SLCO1B1: variants seen among roughly 807,000 people sequenced by gnomAD.
SLCO1B1 encodes the protein OATP-2.
In SLCO1B1, 81 loss-of-function variants were observed where a neutral mutation model predicts 70.1. The ratio of observed to expected loss-of-function variants is 1.16; its 90% CI spans 0.97 to 1.39. SLCO1B1 has a LOEUF of 1.39. Among genes scored for constraint, SLCO1B1 ranks in the 40% most tolerant of loss-of-function variants. The pLI is 0.00. For missense variants in SLCO1B1, 895 were observed against 799.6 expected (o/e 1.12, Z -1.44); for synonymous variants, 283 against 271.5 (o/e 1.04, Z -0.42).
At chr12:21,226,110 A>G (rs1941479642) in intron 14 of SLCO1B1, among the ~76,000 whole-genome samples, 1 of 152,202 alleles carries the variant, frequency 6.6e-6, no homozygotes, top group Non-Finnish European at 1.5e-5. Context: ...TAAGTGAAAG[A>G]AGGCAGTCTA....
intron 2 of SLCO1B1, among the ~76,000 whole-genome samples, chr12:21,149,994 G>A (rs118003065): frequency 0.038 from 5,761 of 152,142 alleles, 156 homozygotes; most frequent in Non-Finnish European, 0.062. Context: ...AAGTCAACCC[G>A]GGATGCTCGA....
At chr12:21,156,749 T>C (rs1020342796) in intron 2 of SLCO1B1, among the ~76,000 whole-genome samples, 1 of 152,162 alleles carries the variant, frequency 6.6e-6, no homozygotes, top group Non-Finnish European at 1.5e-5. Context: ...AATTTACGCA[T>C]GAGAAAAGTG....
chr12:21,156,846 A>C (rs191878851), intron 2 of SLCO1B1, among the ~76,000 whole-genome samples: 1 of 152,312 alleles, frequency 6.6e-6, no homozygotes, highest in Admixed American at 6.5e-5. Context: ...TTGGTGCTCA[A>C]CTCTCTTCCT....
rs147560923 is a variant in SLCO1B1 at position 21,195,842 on chromosome 12, T to G, written c.728-1104T>G. 2.0e-5 allele frequency among the ~76,000 whole-genome samples: 3 copies of G among 152,304 alleles called. No individual in the cohort carries two copies. The East Asian group carries it at 5.8e-4, about 29-fold the overall frequency. On this transcript the variant is annotated intron_variant, in intron 7 of 14. Transcript: ENST00000256958. ...CCTGTCAACACTTCAAGATAGGTGA[T>G]ATAGAAGACAGTCGCAAGGGTAGTA...
At chr12:21,232,844 A>G (rs1246675663) in intron 14 of SLCO1B1, among the ~76,000 whole-genome samples, 1 of 152,092 alleles carries the variant, frequency 6.6e-6, no homozygotes, top group Non-Finnish European at 1.5e-5. Context: ...CTTTCTCTGC[A>G]GCTTCCAGAA....
chr12:21,161,913 C>A (rs1940624478), intron 2 of SLCO1B1, among the ~76,000 whole-genome samples: 2 of 151,904 alleles, frequency 1.3e-5, no homozygotes, highest in South Asian at 4.1e-4. Flanking sequence ...GAGGCCGAGG[C>A]AGGAAAATCT....
intron 11 of SLCO1B1, among the ~76,000 whole-genome samples, chr12:21,214,372 T>C (rs1207019759): frequency 2.7e-5 from 4 of 150,130 alleles, no homozygotes; most frequent in South Asian, 2.1e-4. Flanking sequence ...GTTAGGCTGC[T>C]CAGGGGTCAG....
chr12:21,235,394 G>A (rs1941587166), intron 14 of SLCO1B1, among the ~76,000 whole-genome samples: 1 of 150,002 alleles, frequency 6.7e-6, no homozygotes, highest in Non-Finnish European at 1.5e-5. Flanking sequence ...CCATTTGAAA[G>A]ATAGATCTTT....
chr12:21,210,927 C>G (rs1290745493), intron 11 of SLCO1B1, among the ~76,000 whole-genome samples: 1 of 152,078 alleles, frequency 6.6e-6, no homozygotes, highest in African/African-American at 2.4e-5. Context: ...TGAGACTTTG[C>G]TGAAGTTGCT....
At chr12:21,175,772 C>CA (rs1389032048) in intron 4 of SLCO1B1, among the ~76,000 whole-genome samples, 1 of 151,976 alleles carries the variant, frequency 6.6e-6, no homozygotes, top group Non-Finnish European at 1.5e-5. Context: ...ACCATACCGT[C>CA]AGAGTCCTCT....
intron 2 of SLCO1B1, among the ~76,000 whole-genome samples, chr12:21,164,188 T>A (rs1004303232): frequency 6.6e-6 from 1 of 152,076 alleles, no homozygotes; most frequent in Non-Finnish European, 1.5e-5. Flanking sequence ...TCCAGGCAAA[T>A]CTCTTATGCA....
chr12:21,189,847 A>G (rs1565677237), intron 7 of SLCO1B1, among the ~76,000 whole-genome samples: 1 of 152,210 alleles, frequency 6.6e-6, no homozygotes, highest in Non-Finnish European at 1.5e-5. Context: ...ATTATCTTAC[A>G]TAGTTACTTT....
At chr12:21,207,354 G>C (rs2121158208) in intron 11 of SLCO1B1, among the ~76,000 whole-genome samples, 1 of 151,928 alleles carries the variant, frequency 6.6e-6, no homozygotes, top group Middle Eastern at 3.4e-3. Flanking sequence ...TGTGGACCCA[G>C]TGATTAGCTT....
intron 7 of SLCO1B1, among the ~76,000 whole-genome samples, chr12:21,193,877 AC>A (rs1427660568): frequency 6.6e-6 from 1 of 151,472 alleles, no homozygotes; most frequent in Non-Finnish European, 1.5e-5. Flanking sequence ...TACAAGCTCC[AC>A]CTCCCAGGTT....
chr12:21,228,371 A>G (rs939685457), intron 14 of SLCO1B1, among the ~76,000 whole-genome samples: 2 of 152,096 alleles, frequency 1.3e-5, no homozygotes, highest in Admixed American at 6.6e-5. Context: ...ATATTACTCT[A>G]TTGTCTTCTA....
intron 4 of SLCO1B1, among the ~76,000 whole-genome samples, chr12:21,176,422 C>G (rs1301969769): frequency 1.3e-5 from 2 of 152,052 alleles, no homozygotes; most frequent in Non-Finnish European, 2.9e-5. Flanking sequence ...GACTGATCAT[C>G]TTTGAAGATA....
At chr12:21,159,780 G>A (rs1391867085) in intron 2 of SLCO1B1, among the ~76,000 whole-genome samples, 2 of 151,954 alleles carry the variant, frequency 1.3e-5, no homozygotes, top group African/African-American at 4.8e-5. Context: ...CAAAGTTACA[G>A]GACACAAAAT....
At chr12:21,141,845 T>C (rs1334032460) in intron 2 of SLCO1B1, among the ~76,000 whole-genome samples, 187 bp downstream of exon 2, 1 of 151,964 alleles carries the variant, frequency 6.6e-6, no homozygotes, top group Non-Finnish European at 1.5e-5. Flanking sequence ...TAAGTATTTC[T>C]TTGGCGAAAT....
intron 1 of SLCO1B1, among the ~76,000 whole-genome samples, chr12:21,138,224 A>G (rs1419383306): frequency 6.6e-6 from 1 of 152,110 alleles, no homozygotes; most frequent in African/African-American, 2.4e-5. Flanking sequence ...GGTTTTCTAT[A>G]ACCTATTAAG....
Sources: allele counts gnomAD v4.1 joint callset (sites outside exome capture counted in the v4.1 genomes callset), GRCh38; gene constraint gnomAD v4.1.1; transcripts MANE v1.5; gene names NCBI Gene and HGNC (gene_info 2026-07-23, HGNC 2026-07-21).